Variants in ZMIZ2 observed in about 807,000 individuals in gnomAD.
ZMIZ2 encodes zinc finger MIZ-type containing 2, also known as zinc finger MIZ domain-containing protein 2.
Under a neutral mutation model 93.9 loss-of-function variants are expected in ZMIZ2, and 26 were observed. That is an observed-to-expected ratio of 0.28 (90% CI 0.20 to 0.38). ZMIZ2 has a LOEUF of 0.38. ZMIZ2 is among the 10% of genes least tolerant of loss of function. The pLI is 1.00. For synonymous variants in ZMIZ2, 485 were observed against 516.4 expected, an observed-to-expected ratio of 0.94 and a Z score of 0.82; for missense variants, 1,023 against 1,235.0, an observed-to-expected ratio of 0.83 and a Z score of 2.57.
chr7:44,758,202 G>T, intron 6 of ZMIZ2, 94 bp downstream of exon 6: 1 of 1,423,376 alleles, frequency 7.0e-7, no homozygotes, highest in Non-Finnish European at 9.2e-7. Flanking sequence ...GCTTCTGGCT[G>T]GGCATGGTGG....
chr7:44,758,527 A>G lies in ZMIZ2; in HGVS notation c.813+419A>G, dbSNP rs557147119. Among the ~76,000 whole-genome samples, 3 of 151,196 alleles carry G rather than the reference A, an allele frequency of 2.0e-5. No individual in the cohort carries two copies. The South Asian group carries it at 6.3e-4, about 32-fold the overall frequency. On this transcript the variant is annotated intron_variant, in intron 6 of 18. Coordinates refer to ENST00000309315, the MANE Select transcript of ZMIZ2 (RefSeq NM_031449.4). ...ATGCTGTCTCATGCCTGTAATCCCAACACTTTGGGAGGCTGAGGCAGGTGG... is the reference window on the plus strand; with the variant it reads ...ATGCTGTCTCATGCCTGTAATCCCAGCACTTTGGGAGGCTGAGGCAGGTGG...
In ZMIZ2 at chr7:44,756,181, C is replaced by T. The variant is rs377297732; in HGVS notation, c.-62-7C>T. On this transcript the variant is annotated splice_region_variant and splice_polypyrimidine_tract_variant and intron_variant, in intron 1 of 18. Transcript: ENST00000309315. ...GCAGCTAACATCCCTTCCTTCCTGT[C>T]GGGCAGCCAGAGCAGCTGAGTTCCA... The T allele has an allele frequency of 3.8e-5, 61 of 1,608,134 alleles. 1 individual carries two copies. The Middle Eastern group carries it at 8.3e-4, about 22-fold the overall frequency.
chr7:44,752,376 C>T (rs188573650), intron 1 of ZMIZ2, among the ~76,000 whole-genome samples: 2 of 152,222 alleles, frequency 1.3e-5, no homozygotes, highest in East Asian at 3.9e-4. Context: ...CTCCTGACCT[C>T]AAATGATCTG....
At chr7:44,764,518 G>A (rs1238897852) in intron 14 of ZMIZ2, 32 bp downstream of exon 14, 1 of 1,611,582 alleles carries the variant, frequency 6.2e-7, no homozygotes, top group Admixed American at 1.7e-5. Flanking sequence ...TGATGGAGGA[G>A]GGGCTGGTGC....
chr7:44,760,357 G>A (rs1455766074), intron 8 of ZMIZ2, 68 bp from the exon 9 acceptor site: 16 of 1,588,812 alleles, frequency 1.0e-5, no homozygotes, highest in South Asian at 6.9e-5. Flanking sequence ...CAGTGGGTGC[G>A]CCGTGAACAG....
chr7:44,756,167 CCCTT>C lies in ZMIZ2; in HGVS notation c.-62-13_-62-10del. On this transcript the variant is annotated splice_polypyrimidine_tract_variant and intron_variant, in intron 1 of 18. Coordinates refer to ENST00000309315, the MANE Select transcript of ZMIZ2 (RefSeq NM_031449.4). ...CTCCTGGCTGCATCGCAGCTAACAT[CCCTT>C]CCTTCCTGTCGGGCAGCCAGAGCAG... 6.3e-7 allele frequency: 1 copy of C among 1,596,962 alleles called. No homozygotes were observed. Among genetic ancestry groups the C allele is most frequent in the Non-Finnish European group, 8.6e-7 (1 of 1,165,674 alleles).
intron 3 of ZMIZ2, 134 bp from the exon 4 acceptor site, chr7:44,756,813 C>A: frequency 8.9e-7 from 1 of 1,123,610 alleles, no homozygotes; most frequent in East Asian, 2.4e-5. Context: ...TTCCCTGCTT[C>A]CCGTGCTATA....
intron 13 of ZMIZ2, 78 bp from the exon 14 acceptor site, chr7:44,764,340 GA>G: frequency 1.5e-6 from 2 of 1,378,752 alleles, no homozygotes; most frequent in South Asian, 1.2e-5. Context: ...ACACATTCCT[GA>G]AAAGGGATTG....
In ZMIZ2 at chr7:44,759,108, C is replaced by A. The variant is rs200659330; in HGVS notation, c.814-173C>A. On this transcript the variant is annotated intron_variant, in intron 6 of 18. Coordinates refer to ENST00000309315, the MANE Select transcript of ZMIZ2 (RefSeq NM_031449.4). ...TTAAAAAAAAAAAAAAAAAAAAAAA[C>A]AGGCTTCTGCATGTGAGAACTGCCT... 2.8e-4 allele frequency among the ~76,000 whole-genome samples: 23 copies of A among 82,562 alleles called. No homozygotes were observed. In the South Asian group the frequency reaches 5.0e-3, roughly 18 times the overall value. The allele number at this position is 82,562 out of a possible 152,430, so 54.2% of individuals were successfully genotyped here.
At chr7:44,748,749 GCCCCGA>G (rs1562715581), upstream of ZMIZ2, 1 of 150,750 alleles carries the variant, frequency 6.6e-6, no homozygotes, top group African/African-American at 2.4e-5. Flanking sequence ...GGCCGCCCCC[GCCCCGA>G]GCGCCGGCTC....
In ZMIZ2 at chr7:44,761,915, C is replaced by T. The variant is rs1431016177; in HGVS notation, c.1596+10C>T. On this transcript the variant is annotated intron_variant, in intron 11 of 18. Transcript: ENST00000309315. The surrounding 1 kb of genome is among the most constrained non-coding windows in gnomAD (Gnocchi z 5.8). ...CACCGCCTGCTGCTGCGTGCGTGTCCTGCGCCGAGGGGGCGGTGCTGTGGC... is the reference window on the plus strand; with the variant it reads ...CACCGCCTGCTGCTGCGTGCGTGTCTTGCGCCGAGGGGGCGGTGCTGTGGC... 3.2e-6 allele frequency: 5 copies of T among 1,573,500 alleles called. No individual in the cohort carries two copies. Among genetic ancestry groups the T allele is most frequent in the African/African-American group, 1.4e-5 (1 of 73,834 alleles).
At chr7:44,758,156 C>A in intron 6 of ZMIZ2, 48 bp downstream of exon 6, 1 of 1,493,418 alleles carries the variant, frequency 6.7e-7, no homozygotes, top group South Asian at 1.4e-5. Context: ...CCAACTCCCT[C>A]ACCCAGGCAC....
intron 8 of ZMIZ2, 39 bp from the exon 9 acceptor site, chr7:44,760,386 C>G (rs1791057451): frequency 6.2e-7 from 1 of 1,606,928 alleles, no homozygotes; most frequent in Non-Finnish European, 8.5e-7. Flanking sequence ...CCCATCCACC[C>G]TGGCAATCTG....
chr7:44,759,551 C>T (rs1790953937), intron 7 of ZMIZ2, 91 bp downstream of exon 7: 1 of 1,232,520 alleles, frequency 8.1e-7, no homozygotes, highest in African/African-American at 1.6e-5. Flanking sequence ...TCGAGAGCGA[C>T]AGGGTGGCTA....
chr7:44,759,165 G>C, intron 6 of ZMIZ2, 116 bp from the exon 7 acceptor site: 1 of 942,172 alleles, frequency 1.1e-6, no homozygotes, highest in Non-Finnish European at 1.5e-6. Context: ...GGATCTTCAA[G>C]GGAACCAGGA....
At position 44,764,373 on chromosome 7, in the gene ZMIZ2, G is replaced by T. The variant is rs193099104; in HGVS notation, c.1861-46G>T. On this transcript the variant is annotated intron_variant, in intron 13 of 18. Coordinates refer to ENST00000309315, the MANE Select transcript of ZMIZ2 (RefSeq NM_031449.4). ...ATTGCAGAGTGACCAGATTTTCCCT[G>T]TGCTACCCACAATGAGAAACTGACT... 33 of 1,596,346 alleles carry T rather than the reference G, an allele frequency of 2.1e-5. No homozygotes were observed. The African/African-American group carries it at 3.9e-4, about 19-fold the overall frequency.
chr7:44,762,042 A>G (rs919904136), intron 11 of ZMIZ2, 137 bp downstream of exon 11: 3 of 1,163,820 alleles, frequency 2.6e-6, no homozygotes, highest in African/African-American at 3.3e-5. Context: ...GAGCCAGGAC[A>G]TGGGCGGGCC....
Position 44,766,428 on chromosome 7 carries a change from C to T in ZMIZ2, c.2420C>T (p.Pro807Leu). ...TCTTCTCTCTGTCTTCAGATGGCAC[C>T]AGCAGGTCACCTGGACCCCACTCAC... ...STACLPSQMA[P>L]AGHLDPTHNP... The change falls in exon 18 of 19, where the codon CCA (proline) becomes CTA (leucine). Residue 807 changes from proline to leucine, a missense_variant. This residue lies in a region of ZMIZ2 where 319 missense variants were observed against 358.8 expected (regional missense o/e 0.89). Transcript: ENST00000309315. The surrounding 1 kb of genome is among the most constrained non-coding windows in gnomAD (Gnocchi z 4.4). 6.2e-7 allele frequency: 1 copy of T among 1,614,154 alleles called. No individual in the cohort carries two copies. The highest frequency in any genetic ancestry group is 1.1e-5 in the South Asian group (1 of 91,078).
chr7:44,755,370 G>A (rs576161845), intron 1 of ZMIZ2, among the ~76,000 whole-genome samples: 3 of 152,164 alleles, frequency 2.0e-5, no homozygotes, highest in Non-Finnish European at 4.4e-5. Flanking sequence ...GGGTGTCATG[G>A]ATGGGCCAGT....
Sources: gnomAD v4.1 joint callset for allele counts (sites outside exome capture counted in the v4.1 genomes callset) on GRCh38, gnomAD v4.1.1 for gene constraint, gnomAD v4.1.1 regional missense constraint, Gnocchi (gnomAD v3.1) non-coding constraint, MANE v1.5 for transcripts, NCBI Gene and HGNC (gene_info 2026-07-23, HGNC 2026-07-21) for gene names.